CFAP47: variants seen among roughly 807,000 people sequenced by gnomAD.
CFAP47 encodes cilia- and flagella-associated protein 47.
Under a neutral mutation model 148.1 loss-of-function variants are expected in CFAP47, and 29 were observed. The ratio of observed to expected loss-of-function variants is 0.20; its 90% CI spans 0.15 to 0.27. The LOEUF is 0.27. Among genes scored for constraint, CFAP47 ranks in the 10% least tolerant of loss-of-function variants. The pLI, the probability that CFAP47 is intolerant of heterozygous loss-of-function variation, is 1.00. For synonymous variants in CFAP47, 664 were observed against 577.3 expected (o/e 1.15, Z -2.15); for missense variants, 1,872 against 1,697.5 (o/e 1.10, Z -1.81).
At chrX:36,221,076 G>A (rs1356031898) in intron 45 of CFAP47, among the ~76,000 whole-genome samples, 1 of 111,593 alleles carries the variant, frequency 9.0e-6, no homozygotes, top group Non-Finnish European at 1.9e-5. Context: ...CAAGTAGAAG[G>A]CCTCTTATTG....
intron 33 of CFAP47, among the ~76,000 whole-genome samples, chrX:36,114,637 C>A (rs1010616462): frequency 9.0e-6 from 1 of 111,493 alleles, no homozygotes; most frequent in Non-Finnish European, 1.9e-5. Flanking sequence ...GCTCTCTACT[C>A]CTAGACTGCG....
chrX:35,955,510 GA>G (rs762226508), intron 7 of CFAP47, among the ~76,000 whole-genome samples: 1 of 111,681 alleles, frequency 9.0e-6, no homozygotes, highest in East Asian at 2.8e-4. Context: ...TCTCTGCCTG[GA>G]ATAAACTTTT....
intron 50 of CFAP47, among the ~76,000 whole-genome samples, chrX:36,284,516 A>G (rs1165133961): frequency 1.8e-5 from 2 of 111,509 alleles, no homozygotes. Flanking sequence ...GTAAAATACA[A>G]TGTCATGCAA....
rs747088922 is a variant in CFAP47, at chrX:36,170,897, G to C, written c.6027-8448G>C. On this transcript the variant is annotated intron_variant, in intron 39 of 63. Transcript: ENST00000378653. ...ACTGACTTCCACAATGGTTGAACTAGTTTACAGTCCCACCAACAGTGTAAA... is the reference window on the plus strand; with the variant it reads ...ACTGACTTCCACAATGGTTGAACTACTTTACAGTCCCACCAACAGTGTAAA... Among the ~76,000 whole-genome samples the C allele has an allele frequency of 8.9e-3, 960 of 107,450 alleles. 12 individuals are homozygous for C. The highest frequency in any genetic ancestry group is 0.031 in the African/African-American group (903 of 29,098). The allele number at this position is 107,450 out of a possible 115,157, so 93.3% of individuals were successfully genotyped here.
chrX:36,073,428 A>G, intron 29 of CFAP47, 64 bp downstream of exon 29: 2 of 711,436 alleles, frequency 2.8e-6, no homozygotes, highest in Non-Finnish European at 4.2e-6. Flanking sequence ...TAATCTATTG[A>G]TTGAGATTAT....
intron 60 of CFAP47, among the ~76,000 whole-genome samples, chrX:36,358,385 C>T (rs1165529006): frequency 3.6e-5 from 4 of 111,585 alleles, no homozygotes; most frequent in African/African-American, 1.3e-4. Context: ...TTTTTGAGTG[C>T]CCTAGGGCTC....
At chrX:36,364,675 TTC>T (rs1415004733) in intron 61 of CFAP47, among the ~76,000 whole-genome samples, 3 of 108,602 alleles carry the variant, frequency 2.8e-5, no homozygotes, top group Admixed American at 2.0e-4. Flanking sequence ...AAGCCAATCT[TTC>T]TCTAATGGAG....
intron 21 of CFAP47, among the ~76,000 whole-genome samples, 198 bp from the exon 22 acceptor site, chrX:36,014,576 A>C (rs562059504): frequency 9.0e-6 from 1 of 111,216 alleles, no homozygotes; most frequent in East Asian, 2.8e-4. Flanking sequence ...TTATTTTAAA[A>C]ATTTATTTTT....
chrX:36,352,321 T>C (rs1941749145), intron 59 of CFAP47, among the ~76,000 whole-genome samples: 1 of 111,517 alleles, frequency 9.0e-6, no homozygotes, highest in East Asian at 2.8e-4. Flanking sequence ...TTTAAACCGT[T>C]TAATTTATAT....
chrX:36,298,567 G>GAA lies in CFAP47; in HGVS notation c.7687-402_7687-401dup, dbSNP rs11441062. Among the ~76,000 whole-genome samples the GAA allele has an allele frequency of 2.1e-3, 228 of 108,396 alleles. 1 individual carries two copies. Among genetic ancestry groups the GAA allele is most frequent in the African/African-American group, 7.0e-3 (207 of 29,645 alleles). 94.1% of individuals were successfully genotyped at this position (108,396 alleles called of 115,157 possible). A position where few individuals can be genotyped will look rare whatever the true frequency, so the allele number is the denominator to read the frequency against. On this transcript the variant is annotated intron_variant, in intron 51 of 63. Coordinates refer to ENST00000378653, the MANE Select transcript of CFAP47 (RefSeq NM_001304548.2). ...TAAAACTTAAAGTATAATAATAAAA[G>GAA]AAAAAAAAATCTGTCTTTTAGCAGA...
chrX:36,108,111 C>T (rs1204327149), intron 33 of CFAP47, among the ~76,000 whole-genome samples: 1 of 111,557 alleles, frequency 9.0e-6, no homozygotes, highest in Non-Finnish European at 1.9e-5. Context: ...CCTCAGATTT[C>T]CTGTCTTGCC....
chrX:36,230,936 T>C (rs1274451381), intron 46 of CFAP47, among the ~76,000 whole-genome samples: 5 of 104,120 alleles, frequency 4.8e-5, no homozygotes, highest in African/African-American at 1.1e-4. Flanking sequence ...TGCGACGTTA[T>C]TTCTGAGGGC....
intron 49 of CFAP47, among the ~76,000 whole-genome samples, chrX:36,274,103 T>G (rs1940988097): frequency 8.9e-6 from 1 of 111,956 alleles, no homozygotes; most frequent in African/African-American, 3.2e-5. Flanking sequence ...TAATATACAG[T>G]CTTGTAATAC....
intron 27 of CFAP47, among the ~76,000 whole-genome samples, chrX:36,066,052 T>C (rs1350234749): frequency 8.9e-6 from 1 of 112,073 alleles, no homozygotes; most frequent in Non-Finnish European, 1.9e-5. Context: ...AGTGGGAACC[T>C]TCTGTCATTT....
At chrX:36,289,964 C>A (rs1346025450) in intron 51 of CFAP47, among the ~76,000 whole-genome samples, 1 of 110,648 alleles carries the variant, frequency 9.0e-6, no homozygotes, top group Non-Finnish European at 1.9e-5. Context: ...AGGTGCTCTG[C>A]CAAAAGGAAG....
At chrX:36,301,601 T>G (rs1556007867) in intron 53 of CFAP47, among the ~76,000 whole-genome samples, 3 of 110,142 alleles carry the variant, frequency 2.7e-5, no homozygotes, top group African/African-American at 9.9e-5. Flanking sequence ...CAGGAAGAGT[T>G]TTACTGTGGT....
intron 2 of CFAP47, among the ~76,000 whole-genome samples, chrX:35,940,202 G>C (rs1275340250): frequency 9.0e-6 from 1 of 110,994 alleles, no homozygotes; most frequent in Non-Finnish European, 1.9e-5. Flanking sequence ...TTAGCCCTTT[G>C]TCAGCTGAGT....
rs1940690255 is a variant in CFAP47, at chrX:36,251,392, A to C, written c.7392A>C (p.Lys2464Asn). ...CACAAATTACAGTATACCCTTATAA[A>C]GAAATTCTGTACCTGATTCATGTGC... Reference protein sequence around the residue: ...GNPQITVYPYKEILYLIHVRP... With the variant: ...GNPQITVYPYNEILYLIHVRP... The change falls in exon 49 of 64, where the codon AAA (lysine) becomes AAC (asparagine). Residue 2464 changes from lysine (K) to asparagine (N), a missense_variant. Coordinates refer to ENST00000378653, the MANE Select transcript of CFAP47 (RefSeq NM_001304548.2). 2.0e-6 allele frequency: 1 copy of C among 509,642 alleles called. No homozygotes were observed. Among genetic ancestry groups the C allele is most frequent in the Non-Finnish European group, 3.5e-6 (1 of 283,892 alleles). The allele number at this position is 509,642 out of a possible 1,213,427, so 42.0% of individuals were successfully genotyped here. A position where few individuals can be genotyped will look rare whatever the true frequency, so the allele number is the denominator to read the frequency against.
chrX:36,257,998 T>A (rs781995355), intron 49 of CFAP47, among the ~76,000 whole-genome samples: 2 of 112,297 alleles, frequency 1.8e-5, no homozygotes, highest in Non-Finnish European at 3.8e-5. Context: ...TAAGTAAGAA[T>A]GATCAATTTT....
Sources: gnomAD v4.1 joint callset for allele counts (sites outside exome capture counted in the v4.1 genomes callset) on GRCh38, gnomAD v4.1.1 for gene constraint, MANE v1.5 for transcripts, NCBI Gene and HGNC (gene_info 2026-07-23, HGNC 2026-07-21) for gene names.